The following GRIA4 variants were observed in gnomAD, a reference collection of about 807,000 sequenced individuals.
GRIA4 encodes glutamate ionotropic receptor AMPA type subunit 4.
Under a neutral mutation model 104.0 loss-of-function variants are expected in GRIA4, and 34 were observed. The ratio of observed to expected loss-of-function variants is 0.33; its 90% CI spans 0.25 to 0.44. GRIA4 has a LOEUF of 0.44. Ranked by LOEUF, GRIA4 falls within the 20% of genes least tolerant of loss-of-function variation. The probability of loss-of-function intolerance (pLI) is 1.00; values close to 1 mark genes in which losing one functional copy is unlikely to be tolerated. For missense variants in GRIA4, 750 were observed against 1,096.5 expected (o/e 0.68, Z 4.46); for synonymous variants, 386 against 381.9 (o/e 1.01, Z -0.13).
intron 4 of GRIA4, among the ~76,000 whole-genome samples, chr11:105,756,892 G>T (rs1289663012): frequency 2.0e-5 from 3 of 152,104 alleles, no homozygotes; most frequent in Non-Finnish European, 2.9e-5. Context: ...CAAGTATGAG[G>T]ATCATCCATC....
chr11:105,617,281 T>C (rs59835889), intron 3 of GRIA4, among the ~76,000 whole-genome samples: 11,598 of 151,084 alleles, frequency 0.077, 510 homozygotes, highest in African/African-American at 0.11. Flanking sequence ...TTTTCATATA[T>C]ATATATGATT....
chr11:105,634,488 A>G (rs1428392253), intron 3 of GRIA4, among the ~76,000 whole-genome samples: 1 of 63,936 alleles, frequency 1.6e-5, no homozygotes. Flanking sequence ...AAAGAAAGAA[A>G]GAAAGAAAGA....
chr11:105,679,665 A>G (rs1952648223), intron 3 of GRIA4, among the ~76,000 whole-genome samples: 1 of 152,198 alleles, frequency 6.6e-6, no homozygotes, highest in African/African-American at 2.4e-5. Context: ...ATATGACAAG[A>G]GAATAAGAAC....
In GRIA4 at chr11:105,980,796, G is replaced by C. The variant is rs549378096; in HGVS notation, c.*1057G>C. 6.6e-6 allele frequency: 1 copy of C among 152,650 alleles called. No homozygotes were observed. Among genetic ancestry groups the C allele is most frequent in the African/African-American group, 2.4e-5 (1 of 41,512 alleles). The allele number at this position is 152,650 out of a possible 1,614,324, so 9.5% of individuals were successfully genotyped here. A position where few individuals can be genotyped will look rare whatever the true frequency, so the allele number is the denominator to read the frequency against. On this transcript the variant is annotated 3_prime_UTR_variant, in exon 17 of 17. Coordinates refer to ENST00000282499, the MANE Select transcript of GRIA4 (RefSeq NM_000829.4). ...CTATAAGAGAGATTGTATTAGTGGT[G>C]GGCCATAGTGGAAAATGTAGCTAGC...
chr11:105,752,853 T>C (rs2135694120), intron 3 of GRIA4, 128 bp from the exon 4 acceptor site: 1 of 833,448 alleles, frequency 1.2e-6, no homozygotes, highest in Non-Finnish European at 1.9e-6. Flanking sequence ...TTATACTCTT[T>C]ATCTTATACT....
At chr11:105,847,173 C>T (rs1463459048) in intron 4 of GRIA4, among the ~76,000 whole-genome samples, 1 of 152,160 alleles carries the variant, frequency 6.6e-6, no homozygotes, top group East Asian at 1.9e-4. Context: ...TGTTCCACCT[C>T]AGATCATCAG....
intron 2 of GRIA4, among the ~76,000 whole-genome samples, chr11:105,611,492 G>A (rs1158925050): frequency 6.6e-6 from 1 of 152,000 alleles, no homozygotes; most frequent in Non-Finnish European, 1.5e-5. Flanking sequence ...TCTGGACGCC[G>A]CAGCTTTCTT....
At chr11:105,881,899 C>T (rs562279156) in intron 5 of GRIA4, among the ~76,000 whole-genome samples, 50 of 152,258 alleles carry the variant, frequency 3.3e-4, no homozygotes, top group African/African-American at 1.1e-3. Flanking sequence ...CCCCATTTTA[C>T]ATCACAGCCC....
At chr11:105,681,940 G>T (rs1038647112) in intron 3 of GRIA4, among the ~76,000 whole-genome samples, 1 of 152,044 alleles carries the variant, frequency 6.6e-6, no homozygotes, top group Non-Finnish European at 1.5e-5. Flanking sequence ...TCCTCAGGAG[G>T]CTGAAGCAGG....
intron 3 of GRIA4, among the ~76,000 whole-genome samples, chr11:105,732,580 T>C (rs893040476): frequency 6.6e-6 from 1 of 152,170 alleles, no homozygotes; most frequent in Admixed American, 6.6e-5. Context: ...AAAGAAGATG[T>C]CTTCTTGCTG....
intron 4 of GRIA4, among the ~76,000 whole-genome samples, chr11:105,798,077 CACATAG>C: frequency 6.6e-6 from 1 of 152,056 alleles, no homozygotes; most frequent in East Asian, 1.9e-4. Context: ...TATAAAACCA[CACATAG>C]ACATAAACAC....
intron 14 of GRIA4, among the ~76,000 whole-genome samples, chr11:105,945,193 T>C (rs145171824): frequency 5.5e-4 from 83 of 152,282 alleles, no homozygotes; most frequent in African/African-American, 1.8e-3. Flanking sequence ...ACCCAAGCAA[T>C]GCCCTTCTGT....
At chr11:105,687,965 G>A (rs986080524) in intron 3 of GRIA4, among the ~76,000 whole-genome samples, 1 of 151,988 alleles carries the variant, frequency 6.6e-6, no homozygotes, top group Admixed American at 6.6e-5. Flanking sequence ...TGTTTTTAAA[G>A]AAATGAAATT....
intron 3 of GRIA4, among the ~76,000 whole-genome samples, chr11:105,746,157 A>G (rs74414232): frequency 6.6e-6 from 1 of 152,006 alleles, no homozygotes; most frequent in East Asian, 1.9e-4. Context: ...GTAGGAAAAA[A>G]GACAAGTAAT....
rs1240510526 is a variant in GRIA4 at position 105,841,584 on chromosome 11, C to T, written c.488-20440C>T. 5.3e-5 allele frequency among the ~76,000 whole-genome samples: 8 copies of T among 152,084 alleles called. No individual in the cohort carries two copies. In the East Asian group the frequency reaches 9.7e-4, roughly 18 times the overall value. On this transcript the variant is annotated intron_variant, in intron 4 of 16. Coordinates refer to ENST00000282499, the MANE Select transcript of GRIA4 (RefSeq NM_000829.4). ...TTTTTTATTCTAAAATTATGTCTTT[C>T]CTACTTTTCTAGAATTCAAGTGTTT...
At chr11:105,634,476 A>AGAAAGAAAGAAAGAAAGAAAGG (rs1565419833) in intron 3 of GRIA4, among the ~76,000 whole-genome samples, 38 of 53,232 alleles carry the variant, frequency 7.1e-4, no homozygotes, top group African/African-American at 2.0e-3. Context: ...AGGGAAAGAA[A>AGAAAGAAAGAAAGAAAGAAAGG]GAAAGAAAGA....
chr11:105,911,951 TA>T, intron 10 of GRIA4: 1 of 1,535,454 alleles, frequency 6.5e-7, no homozygotes, highest in Non-Finnish European at 8.8e-7. Flanking sequence ...CATTCCTAAC[TA>T]AGGCTCAAGT....
At chr11:105,940,941 A>G (rs753376628) in intron 14 of GRIA4, among the ~76,000 whole-genome samples, 11 of 152,210 alleles carry the variant, frequency 7.2e-5, no homozygotes, top group Admixed American at 3.9e-4. Flanking sequence ...ACTGTAGCTC[A>G]TTTATTTTAA....
intron 4 of GRIA4, chr11:105,797,670 AC>A: frequency 3.1e-6 from 1 of 323,562 alleles, no homozygotes; most frequent in South Asian, 2.4e-5. Context: ...TAATCGTGCT[AC>A]CTTTTCTGAA....
Sources: allele counts gnomAD v4.1 joint callset (sites outside exome capture counted in the v4.1 genomes callset), GRCh38; gene constraint gnomAD v4.1.1; transcripts MANE v1.5; gene names NCBI Gene and HGNC (gene_info 2026-07-23, HGNC 2026-07-21).